The following AFG2A variants were observed in gnomAD, a reference collection of about 807,000 sequenced individuals.
AFG2A encodes ATPase family gene 2 protein homolog A.
the AFG2A span, among the ~76,000 whole-genome samples, chr4:123,010,078 T>A: frequency 1.3e-5 from 2 of 152,200 alleles, no homozygotes; most frequent in African/African-American, 4.8e-5. Context: ...GAAGCTAAAA[T>A]TGGTCTCTTT....
At chr4:123,067,372 C>CT in the AFG2A span, among the ~76,000 whole-genome samples, 1 of 151,952 alleles carries the variant, frequency 6.6e-6, no homozygotes, top group Non-Finnish European at 1.5e-5. Context: ...AAAAAATTAG[C>CT]TTGGCATGGT....
At chr4:123,102,128 T>TA in the AFG2A span, 3 of 151,888 alleles carry the variant, frequency 2.0e-5, no homozygotes, top group Non-Finnish European at 4.4e-5. Context: ...GGATGTTACT[T>TA]ACCAAACAAG....
At chr4:123,159,500 T>C in the AFG2A span, among the ~76,000 whole-genome samples, 1 of 152,206 alleles carries the variant, frequency 6.6e-6, no homozygotes, top group Non-Finnish European at 1.5e-5. Context: ...ATATGCATTG[T>C]CTCTGATTTC....
the AFG2A span, among the ~76,000 whole-genome samples, chr4:123,120,146 G>T: frequency 1.3e-5 from 2 of 152,090 alleles, no homozygotes; most frequent in East Asian, 3.9e-4. Flanking sequence ...AGCCATTTCA[G>T]TTTTATCTTA....
At chr4:123,253,333 A>G in the AFG2A span, among the ~76,000 whole-genome samples, 12 of 152,062 alleles carry the variant, frequency 7.9e-5, no homozygotes, top group Non-Finnish European at 1.6e-4. Flanking sequence ...AAATACAAAA[A>G]ATTAGCCAGG....
the AFG2A span, among the ~76,000 whole-genome samples, chr4:123,178,798 A>G: frequency 1.9e-4 from 29 of 152,344 alleles, no homozygotes; most frequent in Middle Eastern, 3.4e-3. Flanking sequence ...ATATGCTGAC[A>G]TATTATCTTT....
At chr4:123,229,789 A>T in the AFG2A span, among the ~76,000 whole-genome samples, 1 of 151,924 alleles carries the variant, frequency 6.6e-6, no homozygotes, top group Non-Finnish European at 1.5e-5. Flanking sequence ...AGAGATATCA[A>T]GTAGGCAGTT....
the AFG2A span, chr4:123,259,847 A>T: frequency 6.6e-6 from 1 of 152,332 alleles, no homozygotes; most frequent in South Asian, 2.1e-4. Context: ...TAAGATGCAT[A>T]ATTTCTTCTG....
At chr4:123,060,396 T>G in the AFG2A span, among the ~76,000 whole-genome samples, 1 of 152,246 alleles carries the variant, frequency 6.6e-6, no homozygotes, top group Non-Finnish European at 1.5e-5. Context: ...CACCTCTGCC[T>G]GAACATCCAG....
chr4:123,227,720 A>G, the AFG2A span, among the ~76,000 whole-genome samples: 2 of 152,150 alleles, frequency 1.3e-5, no homozygotes, highest in Non-Finnish European at 2.9e-5. Flanking sequence ...GTAGTTGTCT[A>G]TTAGGTCCAC....
the AFG2A span, among the ~76,000 whole-genome samples, chr4:123,041,678 G>C: frequency 1.3e-5 from 2 of 151,746 alleles, no homozygotes; most frequent in Non-Finnish European, 2.9e-5. Context: ...ACAGGCATGT[G>C]CTACTACTCC....
chr4:123,099,811 A>G, the AFG2A span, among the ~76,000 whole-genome samples: 1 of 151,872 alleles, frequency 6.6e-6, no homozygotes, highest in South Asian at 2.1e-4. Flanking sequence ...ATATTTATTC[A>G]TGCCACCTGA....
the AFG2A span, among the ~76,000 whole-genome samples, chr4:123,268,460 C>T: frequency 1.3e-5 from 2 of 152,156 alleles, no homozygotes; most frequent in African/African-American, 4.8e-5. Flanking sequence ...AGAAAACTAT[C>T]AAGACTTCTT....
At chr4:123,225,496 G>C in the AFG2A span, among the ~76,000 whole-genome samples, 6 of 152,104 alleles carry the variant, frequency 3.9e-5, no homozygotes. Context: ...GTTTTTGTCA[G>C]GTTTGTCAAA....
the AFG2A span, among the ~76,000 whole-genome samples, chr4:123,286,995 G>A: frequency 2.9e-4 from 44 of 152,060 alleles, no homozygotes; most frequent in Admixed American, 2.0e-4. Context: ...TGCAGGGCTC[G>A]GTATTTGGTG....
the AFG2A span, among the ~76,000 whole-genome samples, chr4:123,024,497 A>T: frequency 6.6e-6 from 1 of 152,222 alleles, no homozygotes; most frequent in Admixed American, 6.5e-5. Context: ...CGAGAGTCCC[A>T]GTTCCTCCTC....
At chr4:123,232,153 C>G in the AFG2A span, among the ~76,000 whole-genome samples, 1 of 151,946 alleles carries the variant, frequency 6.6e-6, no homozygotes, top group Non-Finnish European at 1.5e-5. Flanking sequence ...AATACAATAT[C>G]TGCAGAGCCC....
the AFG2A span, among the ~76,000 whole-genome samples, chr4:123,138,750 T>C: frequency 1.3e-5 from 2 of 152,042 alleles, no homozygotes; most frequent in Non-Finnish European, 2.9e-5. Flanking sequence ...ATATTTGGTA[T>C]TTATAGGTCT....
chr4:123,300,405 G>A, the AFG2A span, among the ~76,000 whole-genome samples: 17 of 152,072 alleles, frequency 1.1e-4, no homozygotes, highest in African/African-American at 3.4e-4. Context: ...GCTGGATCTC[G>A]CTATTGGCTT....
Sources: gnomAD v4.1 joint callset for allele counts (sites outside exome capture counted in the v4.1 genomes callset) on GRCh38, gnomAD v4.1.1 for gene constraint, MANE v1.5 for transcripts, NCBI Gene and HGNC (gene_info 2026-07-23, HGNC 2026-07-21) for gene names.